Variants in IMMP2L observed in about 807,000 individuals in gnomAD.
IMMP2L encodes mitochondrial inner membrane protease subunit 2.
A neutral mutation model predicts 19.3 loss-of-function variants in IMMP2L; 18 were observed. The ratio of observed to expected loss-of-function variants is 0.93; its 90% CI spans 0.64 to 1.38. The LOEUF is 1.38. Among genes scored for constraint, IMMP2L ranks in the 40% most tolerant of loss-of-function variants. The pLI, the probability that IMMP2L is intolerant of heterozygous loss-of-function variation, is 0.00. For synonymous variants in IMMP2L, 76 were observed against 73.0 expected, an observed-to-expected ratio of 1.04 and a Z score of -0.21; for missense variants, 233 against 218.2, an observed-to-expected ratio of 1.07 and a Z score of -0.43.
chr7:110,809,048 G>A (rs778087117), intron 5 of IMMP2L, among the ~76,000 whole-genome samples: 1 of 151,930 alleles, frequency 6.6e-6, no homozygotes, highest in Non-Finnish European at 1.5e-5. Context: ...CTAAAACCCT[G>A]TCATCTTTCC....
chr7:111,188,989 C>T (rs543731460), intron 3 of IMMP2L, among the ~76,000 whole-genome samples: 1 of 152,184 alleles, frequency 6.6e-6, no homozygotes, highest in East Asian at 1.9e-4. Context: ...TGTTCAAGCA[C>T]CATTCCAATA....
intron 3 of IMMP2L, among the ~76,000 whole-genome samples, chr7:111,043,742 G>A: frequency 6.6e-6 from 1 of 152,210 alleles, no homozygotes; most frequent in East Asian, 1.9e-4. Flanking sequence ...CTACAGAGGT[G>A]TAATGAAGAA....
At chr7:111,121,688 T>C (rs1041117466) in intron 3 of IMMP2L, among the ~76,000 whole-genome samples, 1 of 152,186 alleles carries the variant, frequency 6.6e-6, no homozygotes, top group South Asian at 2.1e-4. Context: ...CTCGGGGATC[T>C]AGAACTAGAA....
chr7:110,714,420 G>T (rs567106857), intron 5 of IMMP2L, among the ~76,000 whole-genome samples: 1 of 152,082 alleles, frequency 6.6e-6, no homozygotes, highest in Non-Finnish European at 1.5e-5. Context: ...TTTTCATTGG[G>T]TCTTTACCAG....
rs149879117 is a variant in IMMP2L, at chr7:111,163,167, A to G, written c.240-199602T>C. ...GGAGACAACTGTCACTCTCACTCCC[A>G]GACCCTGTGGGAGTTAAGGCCCAAC... On this transcript the variant is annotated intron_variant, in intron 3 of 5. Transcript: ENST00000405709. 5.5e-3 allele frequency among the ~76,000 whole-genome samples: 830 copies of G among 152,212 alleles called. 14 individuals are homozygous for G. Among genetic ancestry groups the G allele is most frequent in the African/African-American group, 0.019 (795 of 41,544 alleles).
chr7:111,090,535 G>C (rs2129577738), intron 3 of IMMP2L, among the ~76,000 whole-genome samples: 1 of 149,416 alleles, frequency 6.7e-6, no homozygotes, highest in South Asian at 2.1e-4. Context: ...AAATGCCAAT[G>C]TTGTGAATTA....
chr7:110,949,766 G>A (rs954607333), intron 4 of IMMP2L, among the ~76,000 whole-genome samples: 2 of 152,080 alleles, frequency 1.3e-5, no homozygotes, highest in Non-Finnish European at 2.9e-5. Flanking sequence ...AACAGTAAGT[G>A]CAATTTCTTG....
At chr7:111,182,234 G>T (rs530075795) in intron 3 of IMMP2L, among the ~76,000 whole-genome samples, 1 of 151,992 alleles carries the variant, frequency 6.6e-6, no homozygotes, top group Admixed American at 6.6e-5. Flanking sequence ...GTGGAACTCT[G>T]GAACAGGATT....
intron 3 of IMMP2L, among the ~76,000 whole-genome samples, chr7:111,484,887 A>G (rs988669156): frequency 6.6e-6 from 1 of 152,106 alleles, no homozygotes; most frequent in African/African-American, 2.4e-5. Flanking sequence ...CCCAGGCTCA[A>G]TCGATCTTCC....
intron 3 of IMMP2L, among the ~76,000 whole-genome samples, chr7:110,973,914 G>C (rs1820419813): frequency 6.6e-6 from 1 of 152,224 alleles, no homozygotes; most frequent in Non-Finnish European, 1.5e-5. Context: ...TAAAGAAAGA[G>C]TGGGAGATTA....
intron 2 of IMMP2L, among the ~76,000 whole-genome samples, chr7:111,504,203 AG>A (rs1370475400): frequency 6.6e-6 from 1 of 152,188 alleles, no homozygotes; most frequent in Non-Finnish European, 1.5e-5. Flanking sequence ...CCAAATCATG[AG>A]TGAACTACCA....
At chr7:111,249,369 C>T (rs1314712144) in intron 3 of IMMP2L, among the ~76,000 whole-genome samples, 2 of 143,432 alleles carry the variant, frequency 1.4e-5, no homozygotes, top group Non-Finnish European at 3.0e-5. Flanking sequence ...ATGCCTCGCC[C>T]TGCTTCGGCT....
At chr7:111,281,255 G>T (rs1401335531) in intron 3 of IMMP2L, among the ~76,000 whole-genome samples, 1 of 131,944 alleles carries the variant, frequency 7.6e-6, no homozygotes, top group African/African-American at 3.1e-5. Context: ...AAGAGAGAGA[G>T]AGAAAGAGAG....
chr7:111,147,697 T>G (rs775283115), intron 3 of IMMP2L, among the ~76,000 whole-genome samples: 2 of 152,102 alleles, frequency 1.3e-5, no homozygotes, highest in African/African-American at 2.4e-5. Flanking sequence ...CAGACTGTTT[T>G]AATTTTAGTG....
chr7:111,185,645 GA>G, intron 3 of IMMP2L, among the ~76,000 whole-genome samples: 1 of 152,100 alleles, frequency 6.6e-6, no homozygotes. Context: ...AACAGTAACA[GA>G]AAACTAAAAT....
chr7:111,085,380 C>T (rs1170146525), intron 3 of IMMP2L, among the ~76,000 whole-genome samples: 1 of 152,092 alleles, frequency 6.6e-6, no homozygotes, highest in Non-Finnish European at 1.5e-5. Context: ...AAAAGTGTTC[C>T]TTTTTCTCCA....
intron 3 of IMMP2L, among the ~76,000 whole-genome samples, chr7:111,095,970 C>G (rs535219207): frequency 6.6e-6 from 1 of 152,010 alleles, no homozygotes; most frequent in African/African-American, 2.4e-5. Flanking sequence ...AATGATATCT[C>G]CTTAATATCA....
At chr7:111,442,917 C>A (rs1482799336) in intron 3 of IMMP2L, among the ~76,000 whole-genome samples, 3 of 151,782 alleles carry the variant, frequency 2.0e-5, no homozygotes, top group African/African-American at 7.3e-5. Flanking sequence ...ACCATTTAAA[C>A]AGAACAGAAA....
At chr7:111,533,495 G>A (rs952901198) in intron 1 of IMMP2L, among the ~76,000 whole-genome samples, 2 of 152,036 alleles carry the variant, frequency 1.3e-5, no homozygotes, top group African/African-American at 4.8e-5. Context: ...CACTGATTTG[G>A]GTGGTTATTT....
Sources: allele counts gnomAD v4.1 joint callset (sites outside exome capture counted in the v4.1 genomes callset), GRCh38; gene constraint gnomAD v4.1.1; transcripts MANE v1.5; gene names NCBI Gene and HGNC (gene_info 2026-07-23, HGNC 2026-07-21).